Variants in CD4 observed in about 807,000 individuals in gnomAD.
CD4 encodes T-cell surface glycoprotein CD4.
A neutral mutation model predicts 50.5 loss-of-function variants in CD4; 25 were observed. The observed-to-expected ratio is 0.49, with a 90% confidence interval of 0.36 to 0.69. The LOEUF is 0.69. Among genes scored for constraint, CD4 ranks in the 30% least tolerant of loss-of-function variants. CD4 has a pLI of 0.00. For missense variants in CD4, 456 were observed against 548.5 expected (o/e 0.83, Z 1.68); for synonymous variants, 207 against 221.9 (o/e 0.93, Z 0.60).
At position 6,814,745 on chromosome 12, in the gene CD4, C is replaced by G; in HGVS notation, c.374-14C>G. ...ATGGTATGTGTGTGACACAGCTGGCCTTTCCCTCCACAGTGACTGCCAACT... is the reference window on the plus strand; with the variant it reads ...ATGGTATGTGTGTGACACAGCTGGCGTTTCCCTCCACAGTGACTGCCAACT... On this transcript the variant is annotated splice_polypyrimidine_tract_variant and intron_variant, in intron 4 of 9. Transcript: ENST00000011653. The G allele has an allele frequency of 6.2e-7, 1 of 1,602,738 alleles. No homozygotes were observed. The highest frequency in any genetic ancestry group is 8.5e-7 in the Non-Finnish European group (1 of 1,169,906).
At chr12:6,805,946 C>G (rs1293518528) in intron 3 of CD4, among the ~76,000 whole-genome samples, 3 of 151,622 alleles carry the variant, frequency 2.0e-5, no homozygotes, top group Non-Finnish European at 4.4e-5. Context: ...AAAGGGAGAC[C>G]CTGTCTCAAA....
At chr12:6,798,172 CTTTT>C (rs1167230229) in intron 1 of CD4, among the ~76,000 whole-genome samples, 1 of 139,460 alleles carries the variant, frequency 7.2e-6, no homozygotes, top group African/African-American at 2.6e-5. Context: ...AAGAACTTTT[CTTTT>C]TTTTTTTTTT....
At chr12:6,806,190 AG>A (rs1942754634) in intron 3 of CD4, among the ~76,000 whole-genome samples, 1 of 77,158 alleles carries the variant, frequency 1.3e-5, no homozygotes, top group Non-Finnish European at 3.5e-5. Context: ...CACATACACA[AG>A]TATATACACA....
In CD4 at chr12:6,816,322, G is replaced by A. The variant is rs1943083297; in HGVS notation, c.874G>A (p.Ala292Thr). Residue 292 changes from alanine (A) to threonine (T), a missense_variant, in exon 6 of 10, where the codon GCT becomes ACT. Ala to Thr is a moderately conservative substitution (Grantham distance 58). Transcript: ENST00000011653. The surrounding 1 kb of genome is among the most constrained non-coding windows in gnomAD (Gnocchi z 4.9). ...LTLPQALPQY[A>T]GSGNLTLALE... ...CCTGCCCCAGGCCTTGCCTCAGTAT[G>A]CTGGCTCTGGAAACCTCACCCTGGC... is the stretch of plus-strand genomic sequence containing the variant. The A allele has an allele frequency of 6.2e-7, 1 of 1,614,240 alleles. No homozygotes were observed. The highest frequency in any genetic ancestry group is 8.5e-7 in the Non-Finnish European group (1 of 1,180,038).
At chr12:6,815,634 C>A (rs11575101) in intron 5 of CD4, 2 of 938,768 alleles carry the variant, frequency 2.1e-6, no homozygotes, top group Non-Finnish European at 3.0e-6. Context: ...ATAGTGACTA[C>A]CTCGTATTAA....
rs1329623760 is a variant in CD4, at chr12:6,816,488, C to T, written c.955+85C>T. ...GGCTCCCTCTGAGGCAAGCCAGGCC[C>T]CAAGAGGGGATGCCTAGGCCCTGGT... On this transcript the variant is annotated intron_variant, in intron 6 of 9. Coordinates refer to ENST00000011653, the MANE Select transcript of CD4 (RefSeq NM_000616.5). The surrounding 1 kb of genome is among the most constrained non-coding windows in gnomAD (Gnocchi z 4.9). 3.6e-6 allele frequency: 4 copies of T among 1,124,496 alleles called. No individual in the cohort carries two copies. The highest frequency in any genetic ancestry group is 3.2e-5 in the African/African-American group (2 of 63,368). 69.7% of individuals were successfully genotyped at this position (1,124,496 alleles called of 1,614,324 possible). A position where few individuals can be genotyped will look rare whatever the true frequency, so the allele number is the denominator to read the frequency against.
rs1231466193 is a variant in CD4 at position 6,792,314 on chromosome 12, A to G, written c.-68+2652A>G. 6.6e-6 allele frequency among the ~76,000 whole-genome samples: 1 copy of G among 152,102 alleles called. No individual in the cohort carries two copies. The highest frequency in any genetic ancestry group is 1.5e-5 in the Non-Finnish European group (1 of 68,004). Reference sequence around the variant, plus strand: ...AGGGGTGAGGGCGGCAGGAACCTCAAGGCTCTGAGAAAGTGCGTGGTGTGT... The same window carrying G: ...AGGGGTGAGGGCGGCAGGAACCTCAGGGCTCTGAGAAAGTGCGTGGTGTGT... On this transcript the variant is annotated intron_variant, in intron 1 of 9. Coordinates refer to ENST00000011653, the MANE Select transcript of CD4 (RefSeq NM_000616.5). This position sits in a 1 kb window ranked among gnomAD's most constrained non-coding sequence, Gnocchi z 4.1.
chr12:6,789,907 G>A (rs1253404556), intron 1 of CD4, among the ~76,000 whole-genome samples: 1 of 152,218 alleles, frequency 6.6e-6, no homozygotes, highest in Non-Finnish European at 1.5e-5. Flanking sequence ...AGAGCAATGG[G>A]TGCTCCTTAG....
At chr12:6,793,980 A>G (rs1942278989) in intron 1 of CD4, among the ~76,000 whole-genome samples, 1 of 150,832 alleles carries the variant, frequency 6.6e-6, no homozygotes, top group South Asian at 2.1e-4. Flanking sequence ...ATATCTATCT[A>G]TCTATCTATC....
In CD4 at chr12:6,800,342, G is replaced by A; in HGVS notation, c.85G>A (p.Val29Met). The A allele has an allele frequency of 6.2e-7, 1 of 1,613,080 alleles. No individual in the cohort carries two copies. Among genetic ancestry groups the A allele is most frequent in the Non-Finnish European group, 8.5e-7 (1 of 1,179,684 alleles). The change falls in exon 3 of 10, where the codon GTG becomes ATG. Residue 29 changes from valine (V) to methionine (M), a missense_variant. By Grantham distance (21) the Val-to-Met change is conservative. Transcript: ENST00000011653. ...AGCAGCCACTCAGGGAAAGAAAGTG[G>A]TGCTGGGCAAAAAAGGGGATACAGT... ...LPAATQGKKV[V>M]LGKKGDTVEL...
At position 6,818,956 on chromosome 12, in the gene CD4, A is replaced by T. The variant is rs575265574; in HGVS notation, c.1346+42A>T. 714 of 506,928 alleles carry T rather than the reference A, an allele frequency of 1.4e-3. 5 individuals carry two copies. The highest frequency in any genetic ancestry group is 0.011 in the South Asian group (644 of 60,262). 31.4% of individuals were successfully genotyped at this position (506,928 alleles called of 1,614,324 possible). A position where few individuals can be genotyped will look rare whatever the true frequency, so the allele number is the denominator to read the frequency against. ...AGGGGTTGAGAGAGGGGAAAGGGGG[A>T]GGGGGAGGGAGTTAGAGAGGAGGGG... On this transcript the variant is annotated intron_variant, in intron 9 of 9. Transcript: ENST00000011653. The surrounding 1 kb of genome is among the most constrained non-coding windows in gnomAD (Gnocchi z 5.0).
At chr12:6,814,682 T>C in intron 4 of CD4, 77 bp from the exon 5 acceptor site, 1 of 1,036,970 alleles carries the variant, frequency 9.6e-7, no homozygotes, top group Non-Finnish European at 1.5e-6. Context: ...AATGGAGAGA[T>C]GTTGTTGGTT....
rs782184827 is a variant in CD4, at chr12:6,807,366, C to T, written c.215-6776C>T. 5.0e-4 allele frequency among the ~76,000 whole-genome samples: 76 copies of T among 152,106 alleles called. 1 individual carries two copies. The highest frequency in any genetic ancestry group is 1.7e-3 in the African/African-American group (71 of 41,478). The stretch of plus-strand genomic sequence containing the variant: ...CTGGTGAATGATTACATCCATACCA[C>T]GAAATACTTTTCAGCAATAAAAAGG... On this transcript the variant is annotated intron_variant, in intron 3 of 9. Transcript: ENST00000011653.
intron 1 of CD4, among the ~76,000 whole-genome samples, chr12:6,795,473 C>T (rs1178098100): frequency 6.6e-6 from 1 of 152,196 alleles, no homozygotes; most frequent in African/African-American, 2.4e-5. Flanking sequence ...TTCTGAGTGC[C>T]CCATTCCTCT....
rs28917503 is a variant in CD4 at position 6,814,805 on chromosome 12, C to T, written c.420C>T (p.Thr140=). ...DTHLLQGQSL[T]LTLESPPGSS... ...ACCTGCTTCAGGGGCAGAGCCTGAC[C>T]CTGACCTTGGAGAGCCCCCCTGGTA... Residue 140 remains threonine (T), a synonymous_variant, in exon 5 of 10, where the codon ACC becomes ACT. Transcript: ENST00000011653. The T allele has an allele frequency of 1.5e-4, 235 of 1,613,682 alleles. No individual in the cohort carries two copies. The African/African-American group carries it at 2.6e-3, about 18-fold the overall frequency.
At position 6,791,494 on chromosome 12, in the gene CD4, T is replaced by G. The variant is rs1186565189; in HGVS notation, c.-68+1832T>G. 3.9e-5 allele frequency among the ~76,000 whole-genome samples: 6 copies of G among 152,204 alleles called. No individual in the cohort carries two copies. In the East Asian group the frequency reaches 9.6e-4, roughly 24 times the overall value. ...CTGGCCTCAAATGATCCGCCCGCCT[T>G]GGCCTCCCAAAGTGCTGGCATTACA... On this transcript the variant is annotated intron_variant, in intron 1 of 9. Transcript: ENST00000011653.
At chr12:6,798,513 C>G (rs527249523) in intron 1 of CD4, among the ~76,000 whole-genome samples, 1 of 152,218 alleles carries the variant, frequency 6.6e-6, no homozygotes, top group African/African-American at 2.4e-5. Context: ...AACCTTGATT[C>G]AATACAGGAC....
At chr12:6,817,431 G>GAATCCAACATCAA in intron 7 of CD4, 101 bp downstream of exon 7, 1 of 987,976 alleles carries the variant, frequency 1.0e-6, no homozygotes, top group Non-Finnish European at 1.5e-6. Context: ...GCCTGAGTTG[G>GAATCCAACATCAA]GGGGTTATGG....
intron 5 of CD4, 124 bp downstream of exon 5, chr12:6,815,116 C>G: frequency 4.3e-6 from 3 of 702,390 alleles, no homozygotes; most frequent in Non-Finnish European, 7.4e-6. Flanking sequence ...AAGACTAGGT[C>G]CCCTAGAGCT....
Sources: allele counts gnomAD v4.1 joint callset (sites outside exome capture counted in the v4.1 genomes callset), GRCh38; gene constraint gnomAD v4.1.1; non-coding constraint Gnocchi (gnomAD v3.1); transcripts MANE v1.5; gene names NCBI Gene and HGNC (gene_info 2026-07-23, HGNC 2026-07-21).